The following ATP10B variants were observed in gnomAD, a reference collection of about 807,000 sequenced individuals.
The protein encoded by ATP10B is phospholipid-transporting ATPase VB.
ATP10B carries 122 observed loss-of-function variants against 141.2 expected under a neutral mutation model. The ratio of observed to expected loss-of-function variants is 0.86; its 90% CI spans 0.75 to 1.00. The LOEUF (loss-of-function observed/expected upper bound fraction) is 1.00. ATP10B is among the 50% of genes least tolerant of loss of function. The pLI is 0.00. For missense variants in ATP10B, 1,876 were observed against 1,825.3 expected, an observed-to-expected ratio of 1.03 and a Z score of -0.51; for synonymous variants, 685 against 692.0, an observed-to-expected ratio of 0.99 and a Z score of 0.16.
At chr5:160,645,955 C>A (rs1363344519) in intron 8 of ATP10B, among the ~76,000 whole-genome samples, 1 of 152,158 alleles carries the variant, frequency 6.6e-6, no homozygotes, top group Non-Finnish European at 1.5e-5. Flanking sequence ...CCCCAGAGTG[C>A]TATACTGCCA....
chr5:160,914,764 A>C, the ATP10B span, among the ~76,000 whole-genome samples: 1 of 152,198 alleles, frequency 6.6e-6, no homozygotes, highest in African/African-American at 2.4e-5. Flanking sequence ...CCAACATGAA[A>C]TGGAGGAGGT....
the ATP10B span, among the ~76,000 whole-genome samples, chr5:160,925,544 C>T: frequency 1.2e-4 from 19 of 152,318 alleles, no homozygotes; most frequent in African/African-American, 3.6e-4. Flanking sequence ...TTGCCTCTTG[C>T]ATATAAGAGA....
the ATP10B span, among the ~76,000 whole-genome samples, chr5:160,921,946 T>C: frequency 6.6e-6 from 1 of 152,240 alleles, no homozygotes; most frequent in Non-Finnish European, 1.5e-5. Flanking sequence ...CTTAATGGAA[T>C]GGCAAAGAAG....
intron 2 of ATP10B, among the ~76,000 whole-genome samples, chr5:160,750,181 A>G (rs1299497896): frequency 6.6e-6 from 1 of 152,176 alleles, no homozygotes; most frequent in Non-Finnish European, 1.5e-5. Context: ...CTATAATAGA[A>G]TCACTCATGC....
intron 8 of ATP10B, among the ~76,000 whole-genome samples, chr5:160,646,399 G>T (rs1007976550): frequency 2.0e-5 from 3 of 152,130 alleles, no homozygotes; most frequent in African/African-American, 7.2e-5. Flanking sequence ...TAACTGTTTT[G>T]ATTTCATTGT....
the ATP10B span, among the ~76,000 whole-genome samples, chr5:160,873,573 G>T: frequency 1.1e-4 from 16 of 152,358 alleles, no homozygotes; most frequent in African/African-American, 3.8e-4. Context: ...ACAGCTCCCA[G>T]CGTGAGCGAC....
At chr5:160,893,464 T>C in the ATP10B span, among the ~76,000 whole-genome samples, 2 of 152,130 alleles carry the variant, frequency 1.3e-5, no homozygotes, top group African/African-American at 4.8e-5. Context: ...ACTGCAGCGA[T>C]GCATAGCCAC....
intron 7 of ATP10B, among the ~76,000 whole-genome samples, chr5:160,663,942 T>G (rs997485724): frequency 3.9e-5 from 6 of 152,072 alleles, no homozygotes; most frequent in Non-Finnish European, 7.3e-5. Flanking sequence ...TTTACAGGGT[T>G]TTTTTGAGTA....
the ATP10B span, among the ~76,000 whole-genome samples, chr5:160,917,607 C>T: frequency 2.6e-5 from 4 of 152,140 alleles, no homozygotes; most frequent in Admixed American, 2.0e-4. Flanking sequence ...TCTTTACAAT[C>T]CTCAAGTCAA....
chr5:160,715,158 C>G (rs567964792), intron 3 of ATP10B, among the ~76,000 whole-genome samples: 6 of 149,452 alleles, frequency 4.0e-5, no homozygotes, highest in African/African-American at 1.2e-4. Flanking sequence ...TCGAGGTTCC[C>G]GGCTGCTTTG....
intron 2 of ATP10B, among the ~76,000 whole-genome samples, chr5:160,728,043 G>A (rs945418361): frequency 2.6e-5 from 4 of 152,116 alleles, no homozygotes; most frequent in Non-Finnish European, 2.9e-5. Context: ...AGAAAGACAA[G>A]AGATCAGTCA....
At chr5:160,821,306 A>G (rs1047369539) in intron 1 of ATP10B, among the ~76,000 whole-genome samples, 3 of 152,142 alleles carry the variant, frequency 2.0e-5, no homozygotes, top group Admixed American at 2.0e-4. Flanking sequence ...TAATGTAATG[A>G]AAGAAGTGGA....
chr5:160,825,511 G>A (rs1303671718), intron 1 of ATP10B, among the ~76,000 whole-genome samples: 1 of 152,148 alleles, frequency 6.6e-6, no homozygotes, highest in Non-Finnish European at 1.5e-5. Flanking sequence ...GGAACTGTGA[G>A]TCCATCAAAA....
At chr5:160,599,934 G>C (rs1023195762) in intron 21 of ATP10B, among the ~76,000 whole-genome samples, 2 of 152,216 alleles carry the variant, frequency 1.3e-5, no homozygotes, top group African/African-American at 4.8e-5. Context: ...CAGCAGGTTT[G>C]TGTTCAAGCT....
intron 2 of ATP10B, among the ~76,000 whole-genome samples, chr5:160,761,078 G>A (rs1768995702): frequency 6.6e-6 from 1 of 151,682 alleles, no homozygotes; most frequent in South Asian, 2.1e-4. Context: ...ACTCTTAAAA[G>A]TACTTTTGGA....
intron 7 of ATP10B, among the ~76,000 whole-genome samples, chr5:160,668,234 A>G (rs1762446225): frequency 6.8e-6 from 1 of 146,864 alleles, no homozygotes. Context: ...TCCAAAAAAA[A>G]AAAAAAAAAA....
chr5:160,652,900 A>G, intron 7 of ATP10B, among the ~76,000 whole-genome samples: 1 of 70,718 alleles, frequency 1.4e-5, no homozygotes, highest in Non-Finnish European at 2.5e-5. Context: ...TATATAATAT[A>G]TTATATATAC....
At chr5:160,593,320 A>G (rs1295189036) in intron 22 of ATP10B, among the ~76,000 whole-genome samples, 1 of 152,208 alleles carries the variant, frequency 6.6e-6, no homozygotes, top group Non-Finnish European at 1.5e-5. Flanking sequence ...TCTGGATTGG[A>G]CCTCTAGCAA....
At chr5:160,597,616 A>G (rs1428012891) in intron 22 of ATP10B, among the ~76,000 whole-genome samples, 17 of 151,862 alleles carry the variant, frequency 1.1e-4, no homozygotes, top group Non-Finnish European at 2.2e-4. Context: ...GCAACCTACA[A>G]AATGGGAGAA....
Sources: allele counts gnomAD v4.1 joint callset (sites outside exome capture counted in the v4.1 genomes callset), GRCh38; gene constraint gnomAD v4.1.1; transcripts MANE v1.5; gene names NCBI Gene and HGNC (gene_info 2026-07-23, HGNC 2026-07-21).